Variants in ZC3H4 observed in about 807,000 individuals in gnomAD.
ZC3H4 encodes the protein zinc finger CCCH domain-containing protein 4.
In ZC3H4, 13 loss-of-function variants were observed where a neutral mutation model predicts 108.3. The observed-to-expected ratio is 0.12, with a 90% CI of 0.08 to 0.19. The LOEUF (loss-of-function observed/expected upper bound fraction) is 0.19. Among genes scored for constraint, ZC3H4 ranks in the 10% least tolerant of loss-of-function variants. The probability of loss-of-function intolerance (pLI) is 1.00; values close to 1 mark genes in which losing one functional copy is unlikely to be tolerated. For synonymous variants in ZC3H4, 917 were observed against 749.6 expected (o/e 1.22, Z -3.65); for missense variants, 1,734 against 1,838.8 (o/e 0.94, Z 1.04).
chr19:47,074,495 G>A (rs79091052), intron 11 of ZC3H4, among the ~76,000 whole-genome samples: 2,296 of 152,364 alleles, frequency 0.015, 32 homozygotes, highest in Non-Finnish European at 0.025. Context: ...AAGTGACACA[G>A]GAGGCCTGGC....
chr19:47,067,045 T>C lies in ZC3H4; in HGVS notation c.3223A>G (p.Lys1075Glu), dbSNP rs1403026041. 1 of 1,605,154 alleles carries C rather than the reference T, an allele frequency of 6.2e-7. No homozygotes were observed. Among genetic ancestry groups the C allele is most frequent in the South Asian group, 1.1e-5 (1 of 90,208 alleles). The change falls in exon 15 of 15, where the codon AAG becomes GAG. Residue 1075 changes from lysine to glutamate, a missense_variant. Transcript: ENST00000253048. This position sits in a 1 kb window ranked among gnomAD's most constrained non-coding sequence, Gnocchi z 6.4. ...SDKPSDPRVR[K>E]APTDPRLQKP... ...TGCAGCCGAGGGTCGGTGGGGGCCT[T>C]CCGCACCCGGGGGTCACTGGGTTTG...
chr19:47,085,077 G>A lies in ZC3H4; in HGVS notation c.1086C>T (p.Asp362=), dbSNP rs1293318434. The change falls in exon 8 of 15, where the codon GAC becomes GAT. Residue 362 remains aspartate (D), a synonymous_variant. Transcript: ENST00000253048. ...TCACGCCCATGTCCTCGTCATAGAAGTCTTCGTCATCGTTCATTCCGCCCT... is the reference window on the plus strand; with the variant it reads ...TCACGCCCATGTCCTCGTCATAGAAATCTTCGTCATCGTTCATTCCGCCCT... The part of the protein sequence containing the change: ...MNKGGMNDDE[D]FYDEDMGDGG... The A allele has an allele frequency of 6.2e-7, 1 of 1,614,224 alleles. No homozygotes were observed. Among genetic ancestry groups the A allele is most frequent in the South Asian group, 1.1e-5 (1 of 91,088 alleles).
chr19:47,066,294 C>G lies in ZC3H4; in HGVS notation c.*62G>C. The G allele has an allele frequency of 1.4e-6, 2 of 1,390,064 alleles. No homozygotes were observed. The highest frequency in any genetic ancestry group is 1.9e-6 in the Non-Finnish European group (2 of 1,058,778). 86.1% of individuals were successfully genotyped at this position (1,390,064 alleles called of 1,614,324 possible). On this transcript the variant is annotated 3_prime_UTR_variant, in exon 15 of 15. Coordinates refer to ENST00000253048, the MANE Select transcript of ZC3H4 (RefSeq NM_015168.2). ...TCCCCTTGCCCCCAAGTTCCCTACC[C>G]TGGGTGCTGCCCTGAATGCCACCCT...
chr19:47,111,735 C>T (rs903758921), intron 2 of ZC3H4, among the ~76,000 whole-genome samples: 17 of 151,652 alleles, frequency 1.1e-4, no homozygotes, highest in Non-Finnish European at 1.6e-4. Flanking sequence ...AAAAAACACC[C>T]CCCGCCAAAA....
intron 4 of ZC3H4, chr19:47,093,677 A>C: frequency 3.8e-6 from 1 of 265,644 alleles, no homozygotes; most frequent in South Asian, 7.3e-5. Context: ...CTGCAACCTT[A>C]AACTTCTGGG....
intron 9 of ZC3H4, 72 bp downstream of exon 9, chr19:47,084,273 A>T: frequency 1.4e-6 from 2 of 1,450,086 alleles, no homozygotes; most frequent in South Asian, 1.2e-5. Flanking sequence ...ACGGCTCCAG[A>T]ACCTTCTGGA....
chr19:47,079,663 C>T (rs1252862994), intron 11 of ZC3H4, among the ~76,000 whole-genome samples: 1 of 152,126 alleles, frequency 6.6e-6, no homozygotes, highest in African/African-American at 2.4e-5. Flanking sequence ...TTTGGGAGGC[C>T]AAGGTGGGCG....
rs1175187318 is a variant in ZC3H4, at chr19:47,064,748, A to AAAGAC, written c.*1603_*1607dup. The AAAGAC allele has an allele frequency of 6.6e-6, 1 of 151,922 alleles. No homozygotes were observed. Among genetic ancestry groups the AAAGAC allele is most frequent in the Non-Finnish European group, 1.5e-5 (1 of 67,916 alleles). The allele number at this position is 151,922 out of a possible 1,614,324, so 9.4% of individuals were successfully genotyped here. A position where few individuals can be genotyped will look rare whatever the true frequency, so the allele number is the denominator to read the frequency against. ...AAAAAAAAAAAAAAAAAAAAGACAA[A>AAAGAC]AAGACAAACCAACCAACCAGATCCC... On this transcript the variant is annotated 3_prime_UTR_variant, in exon 15 of 15. Coordinates refer to ENST00000253048, the MANE Select transcript of ZC3H4 (RefSeq NM_015168.2).
intron 14 of ZC3H4, among the ~76,000 whole-genome samples, 181 bp downstream of exon 14, chr19:47,068,911 G>A (rs904183340): frequency 6.6e-6 from 1 of 152,174 alleles, no homozygotes; most frequent in Non-Finnish European, 1.5e-5. Flanking sequence ...AGCCACCCCT[G>A]ACTGCCAGTT....
At position 47,071,795 on chromosome 19, in the gene ZC3H4, C is replaced by A. The variant is rs1333775838; in HGVS notation, c.2129G>T (p.Gly710Val). The A allele has an allele frequency of 1.2e-6, 2 of 1,611,504 alleles. No individual in the cohort carries two copies. The highest frequency in any genetic ancestry group is 1.7e-5 in the Admixed American group (1 of 59,742). The part of the protein sequence containing the change: ...QQQEGMEMEP[G>V]LLGDAEDYGH... ...CCGCATACCTGCATCCCCCAGGAGT[C>A]CGGGCTCCATCTCCATGCCCTCCTG... The change falls in exon 13 of 15, where the codon GGA becomes GTA. Residue 710 changes from glycine (G) to valine (V), a missense_variant. Physicochemically the swap from Gly to Val is moderately radical, Grantham distance 109. Around this residue, in one of 9 missense-constraint regions of ZC3H4, gnomAD observed 540 missense variants for 484.1 expected, o/e 1.12. Transcript: ENST00000253048.
intron 2 of ZC3H4, among the ~76,000 whole-genome samples, chr19:47,110,724 T>A (rs989213231): frequency 5.9e-5 from 9 of 152,254 alleles, no homozygotes; most frequent in Admixed American, 3.3e-4. Flanking sequence ...CTTTGAGTAA[T>A]GCACCTGCCC....
At chr19:47,109,782 G>A (rs1049623497) in intron 2 of ZC3H4, among the ~76,000 whole-genome samples, 1 of 152,156 alleles carries the variant, frequency 6.6e-6, no homozygotes, top group African/African-American at 2.4e-5. Flanking sequence ...TTTGGAGAGG[G>A]CCAGGGTTCT....
At chr19:47,089,425 C>G (rs2057692100) in intron 5 of ZC3H4, among the ~76,000 whole-genome samples, 1 of 152,042 alleles carries the variant, frequency 6.6e-6, no homozygotes, top group Admixed American at 6.6e-5. Flanking sequence ...GATCCGACAG[C>G]CTCGGCCTCC....
Position 47,112,538 on chromosome 19 carries a change from G to T in ZC3H4, c.47C>A (p.Pro16Gln). ...TGGCGGCGGCGGCGATGGCGGCGGC[G>T]GCGACTCTGATGGCGGCGGCGGGGG... is the stretch of plus-strand genomic sequence containing the variant. ...GTPPPPPSESPPPPSPPPPST... is the reference protein window; with the variant it reads ...GTPPPPPSESQPPPSPPPPST... The change falls in exon 2 of 15, where the codon CCG (proline) becomes CAG (glutamine). Residue 16 changes from proline to glutamine, a missense_variant. By Grantham distance (76) the Pro-to-Gln change is moderately conservative (BLOSUM62 -1). This residue lies in a region of ZC3H4 where 112 missense variants were observed against 73.3 expected (regional missense o/e 1.53). Transcript: ENST00000253048. 1 of 1,061,518 alleles carries T rather than the reference G, an allele frequency of 9.4e-7. No homozygotes were observed. The highest frequency in any genetic ancestry group is 1.2e-6 in the Non-Finnish European group (1 of 825,590). 65.8% of individuals were successfully genotyped at this position (1,061,518 alleles called of 1,614,324 possible).
rs373265090 is a variant in ZC3H4 at position 47,067,289 on chromosome 19, G to C, written c.2979C>G (p.Asp993Glu). ...DLIPLPIPKQ[D>E]AVPPVPAALQ... ...GGGCCGCGGGCACGGGGGGCACTGC[G>C]TCCTGCTTGGGGATGGGTAGGGGGA... The change falls in exon 15 of 15, where the codon GAC becomes GAG. Residue 993 changes from aspartate (D) to glutamate (E), a missense_variant. This residue lies in a region of ZC3H4 where 518 missense variants were observed against 499.6 expected (regional missense o/e 1.04). Coordinates refer to ENST00000253048, the MANE Select transcript of ZC3H4 (RefSeq NM_015168.2). This position sits in a 1 kb window ranked among gnomAD's most constrained non-coding sequence, Gnocchi z 6.4. 1 of 1,590,324 alleles carries C rather than the reference G, an allele frequency of 6.3e-7. No homozygotes were observed. The highest frequency in any genetic ancestry group is 8.6e-7 in the Non-Finnish European group (1 of 1,167,544).
At chr19:47,068,728 CTT>C (rs777017700) in intron 14 of ZC3H4, among the ~76,000 whole-genome samples, 26 of 152,236 alleles carry the variant, frequency 1.7e-4, no homozygotes, top group Non-Finnish European at 3.5e-4. Flanking sequence ...ATGACTAGCT[CTT>C]GTTTGTTGGC....
chr19:47,084,366 G>A lies in ZC3H4; in HGVS notation c.1197C>T (p.Phe399=), dbSNP rs1045488499. 6 of 1,614,194 alleles carry A rather than the reference G, an allele frequency of 3.7e-6. No individual in the cohort carries two copies. The highest frequency in any genetic ancestry group is 1.3e-5 in the African/African-American group (1 of 75,036). The stretch of plus-strand genomic sequence containing the variant: ...TTACCCAGGTGCAGCGCCCTTCCAC[G>A]AAGTACTTGCAAATGACTTTGCCTT... The part of the protein sequence containing the change: ...DKKGKVICKY[F]VEGRCTWGDH... Residue 399 remains phenylalanine (F), a synonymous_variant, in exon 9 of 15, where the codon TTC becomes TTT. Coordinates refer to ENST00000253048, the MANE Select transcript of ZC3H4 (RefSeq NM_015168.2).
At position 47,106,933 on chromosome 19, in the gene ZC3H4, A is replaced by C. The variant is rs78596190; in HGVS notation, c.161+5491T>G. On this transcript the variant is annotated intron_variant, in intron 2 of 14. Coordinates refer to ENST00000253048, the MANE Select transcript of ZC3H4 (RefSeq NM_015168.2). Reference sequence around the variant, plus strand: ...GAGAGTAAAGGACTTGCGTGGGGAAACTGACTAGTTTGCAGTGGTATGAGA... The same window carrying C: ...GAGAGTAAAGGACTTGCGTGGGGAACCTGACTAGTTTGCAGTGGTATGAGA... Among the ~76,000 whole-genome samples, 677 of 152,242 alleles carry C rather than the reference A, an allele frequency of 4.4e-3. 6 individuals carry two copies. The highest frequency in any genetic ancestry group is 0.015 in the African/African-American group (625 of 41,524).
At chr19:47,112,972 AG>A (rs1483735412) in intron 1 of ZC3H4, among the ~76,000 whole-genome samples, 1 of 148,676 alleles carries the variant, frequency 6.7e-6, no homozygotes, top group Admixed American at 6.6e-5. Flanking sequence ...AGAGCGAGCG[AG>A]GGGGGTGGGG....
Sources: gnomAD v4.1 joint callset for allele counts (sites outside exome capture counted in the v4.1 genomes callset) on GRCh38, gnomAD v4.1.1 for gene constraint, gnomAD v4.1.1 regional missense constraint, Gnocchi (gnomAD v3.1) non-coding constraint, MANE v1.5 for transcripts, NCBI Gene and HGNC (gene_info 2026-07-23, HGNC 2026-07-21) for gene names.